The following YAF2 variants were observed in gnomAD, a reference collection of about 807,000 sequenced individuals.
YAF2 encodes the protein YY1 associated factor 2, also known as YY1-associated factor 2.
In YAF2, 7 loss-of-function variants were observed where a neutral mutation model predicts 20.1. That is an observed-to-expected ratio of 0.35 (90% CI 0.20 to 0.65). YAF2 has a LOEUF of 0.65. YAF2 is among the 30% of genes least tolerant of loss of function. The pLI is 0.69. For synonymous variants in YAF2, 74 were observed against 76.0 expected, an observed-to-expected ratio of 0.97 and a Z score of 0.14; for missense variants, 151 against 219.2, an observed-to-expected ratio of 0.69 and a Z score of 1.96.
chr12:42,186,336 C>T (rs925247504), intron 2 of YAF2, among the ~76,000 whole-genome samples: 9 of 151,054 alleles, frequency 6.0e-5, no homozygotes, highest in Non-Finnish European at 1.2e-4. Flanking sequence ...CCTAGGTGAC[C>T]GAGCAAAAAC....
At chr12:42,188,018 T>C (rs2066517716) in intron 2 of YAF2, among the ~76,000 whole-genome samples, 1 of 152,214 alleles carries the variant, frequency 6.6e-6, no homozygotes, top group Non-Finnish European at 1.5e-5. Context: ...CAGCCTCAGC[T>C]GTTATCTTAG....
intron 2 of YAF2, chr12:42,234,199 GAAAAGAAA>G (rs2068070003): frequency 4.0e-3 from 645 of 159,300 alleles, no homozygotes; most frequent in South Asian, 0.011. Flanking sequence ...AAAGAGAAAA[GAAAAGAAA>G]AGAAAAGAAA....
At chr12:42,226,902 G>A (rs1451483241) in intron 2 of YAF2, among the ~76,000 whole-genome samples, 6 of 150,306 alleles carry the variant, frequency 4.0e-5, no homozygotes, top group Non-Finnish European at 7.4e-5. Context: ...GGCTGGGGTC[G>A]GTGGCTTAGG....
chr12:42,193,603 C>G (rs911452621), intron 2 of YAF2, among the ~76,000 whole-genome samples: 3 of 152,078 alleles, frequency 2.0e-5, no homozygotes, highest in African/African-American at 7.2e-5. Context: ...ACCTCCTGGG[C>G]TCAAGTGATC....
At chr12:42,227,906 C>T (rs1171510543) in intron 2 of YAF2, among the ~76,000 whole-genome samples, 17 of 142,236 alleles carry the variant, frequency 1.2e-4, no homozygotes, top group East Asian at 8.8e-4. Flanking sequence ...CGCCTCTGCC[C>T]GGCCGCCCCT....
chr12:42,227,807 C>T (rs2067784936), intron 2 of YAF2, among the ~76,000 whole-genome samples: 1 of 146,324 alleles, frequency 6.8e-6, no homozygotes. Context: ...GGGGGGTCAG[C>T]CCCCCGCCTG....
chr12:42,175,615 G>A lies in YAF2; in HGVS notation c.153-13850C>T, dbSNP rs943373315. ...CGGGAGGCCAGGCACGGTGGCTCAC[G>A]CCTGTAATCCCAGCACTATGGGAGG... On this transcript the variant is annotated intron_variant, in intron 2 of 3. Coordinates refer to ENST00000534854, the MANE Select transcript of YAF2 (RefSeq NM_005748.6). 4.7e-5 allele frequency among the ~76,000 whole-genome samples: 7 copies of A among 148,524 alleles called. No individual in the cohort carries two copies. The South Asian group carries it at 6.5e-4, about 14-fold the overall frequency.
At chr12:42,171,801 A>C (rs2066057039) in intron 2 of YAF2, among the ~76,000 whole-genome samples, 1 of 19,390 alleles carries the variant, frequency 5.2e-5, no homozygotes, top group African/African-American at 6.5e-4. Flanking sequence ...AGAAAATACA[A>C]AAAAAAAAAA....
chr12:42,196,521 A>C (rs889444908), intron 2 of YAF2, among the ~76,000 whole-genome samples: 2 of 152,200 alleles, frequency 1.3e-5, no homozygotes, highest in African/African-American at 4.8e-5. Flanking sequence ...TAAAGTTTAT[A>C]GTAGTGAGGG....
chr12:42,175,414 A>G (rs1026482855), intron 2 of YAF2, among the ~76,000 whole-genome samples: 3 of 152,130 alleles, frequency 2.0e-5, no homozygotes, highest in Admixed American at 6.5e-5. Flanking sequence ...GAAACTCCAG[A>G]AAATAATGGA....
chr12:42,218,084 T>C (rs547216156), intron 2 of YAF2, among the ~76,000 whole-genome samples: 2 of 152,252 alleles, frequency 1.3e-5, no homozygotes, highest in South Asian at 2.1e-4. Context: ...AGTCTATATA[T>C]ACTGCTTACT....
At position 42,237,704 on chromosome 12, in the gene YAF2, G is replaced by A. The variant is rs983179894; in HGVS notation, c.47C>T (p.Pro16Leu). 1 of 1,566,214 alleles carries A rather than the reference G, an allele frequency of 6.4e-7. No individual in the cohort carries two copies. The highest frequency in any genetic ancestry group is 1.2e-5 in the South Asian group (1 of 85,896). Reference sequence around the variant, plus strand: ...GTCCCAGTAACCCTCATCCGAGGACGGCTTCGGCTGCCGCTTCGGCCTGCA... The same window carrying A: ...GTCCCAGTAACCCTCATCCGAGGACAGCTTCGGCTGCCGCTTCGGCCTGCA... The part of the protein sequence containing the change: ...SPTRPKRQPK[P>L]SSDEGYWDCS... Residue 16 changes from proline (P) to leucine (L), a missense_variant, in exon 2 of 4, where the codon CCG (proline) becomes CTG (leucine). Coordinates refer to ENST00000534854, the MANE Select transcript of YAF2 (RefSeq NM_005748.6).
Position 42,166,656 on chromosome 12 carries a change from G to A in YAF2, c.153-4891C>T, listed in dbSNP as rs896864132. On this transcript the variant is annotated intron_variant, in intron 2 of 3. Transcript: ENST00000534854. ...ATTGTCATCTGAAGACTCATGGTCT[G>A]AGATTTCCCTTATATGGTCAATTTC... 2.1e-4 allele frequency among the ~76,000 whole-genome samples: 32 copies of A among 152,144 alleles called. 1 individual carries two copies. The highest frequency in any genetic ancestry group is 8.8e-5 in the Non-Finnish European group (6 of 68,026).
chr12:42,173,080 G>C (rs931688466), intron 2 of YAF2, among the ~76,000 whole-genome samples: 7 of 151,994 alleles, frequency 4.6e-5, no homozygotes, highest in African/African-American at 1.7e-4. Flanking sequence ...GAGAAAGAGA[G>C]AGTCTGGAGT....
chr12:42,217,310 T>C (rs1303146162), intron 2 of YAF2, among the ~76,000 whole-genome samples: 3 of 152,300 alleles, frequency 2.0e-5, no homozygotes, highest in Non-Finnish European at 4.4e-5. Context: ...CCATACAGTT[T>C]ACAAATACAC....
chr12:42,224,256 CAT>C (rs1413936529), intron 2 of YAF2, among the ~76,000 whole-genome samples: 1 of 152,168 alleles, frequency 6.6e-6, no homozygotes, highest in African/African-American at 2.4e-5. Flanking sequence ...TAATTCATTG[CAT>C]ATGTTTCCCA....
chr12:42,200,603 T>A (rs2066874270), intron 2 of YAF2, among the ~76,000 whole-genome samples: 1 of 152,232 alleles, frequency 6.6e-6, no homozygotes, highest in South Asian at 2.1e-4. Context: ...ACATCTCCTT[T>A]AAGGAAAAGC....
intron 2 of YAF2, among the ~76,000 whole-genome samples, chr12:42,220,529 TG>T: frequency 6.6e-6 from 1 of 152,196 alleles, no homozygotes; most frequent in South Asian, 2.1e-4. Flanking sequence ...CTTTGGGCTG[TG>T]GGGGAACAAA....
In YAF2 at chr12:42,193,492, C is replaced by T. The variant is rs1179694325; in HGVS notation, c.153-31727G>A. ...TCAGGCAGGCCCTCAGGAGGTATTC[C>T]TGAAGGCATTGTTGTTTTTGGTTTT... On this transcript the variant is annotated intron_variant, in intron 2 of 3. Coordinates refer to ENST00000534854, the MANE Select transcript of YAF2 (RefSeq NM_005748.6). Among the ~76,000 whole-genome samples the T allele has an allele frequency of 3.3e-5, 5 of 151,882 alleles. No homozygotes were observed. In the East Asian group the frequency reaches 7.7e-4, roughly 23 times the overall value.
Sources: gnomAD v4.1 joint callset for allele counts (sites outside exome capture counted in the v4.1 genomes callset) on GRCh38, gnomAD v4.1.1 for gene constraint, MANE v1.5 for transcripts, NCBI Gene and HGNC (gene_info 2026-07-23, HGNC 2026-07-21) for gene names.